The following COMMD10 variants were observed in gnomAD, a reference collection of about 807,000 sequenced individuals.
COMMD10 encodes COMM domain-containing protein 10.
COMMD10 carries 33 observed loss-of-function variants against 28.9 expected under a neutral mutation model. The ratio of observed to expected loss-of-function variants is 1.14; its 90% CI spans 0.87 to 1.53. The LOEUF is 1.53. Among genes scored for constraint, COMMD10 ranks in the 40% most tolerant of loss-of-function variants. The pLI, the probability that COMMD10 is intolerant of heterozygous loss-of-function variation, is 0.00. For missense variants in COMMD10, 310 were observed against 233.4 expected, an observed-to-expected ratio of 1.33 and a Z score of -2.14; for synonymous variants, 110 against 81.7, an observed-to-expected ratio of 1.35 and a Z score of -1.87.
At chr5:116,114,004 G>T (rs190747693) in intron 4 of COMMD10, among the ~76,000 whole-genome samples, 1 of 151,972 alleles carries the variant, frequency 6.6e-6, no homozygotes, top group South Asian at 2.1e-4. Flanking sequence ...TTATTTCTGG[G>T]TGTGCGCATT....
intron 5 of COMMD10, among the ~76,000 whole-genome samples, chr5:116,215,844 GTCT>G (rs1477890063): frequency 4.7e-5 from 7 of 150,104 alleles, no homozygotes; most frequent in South Asian, 2.1e-4. Context: ...TCAATGTGGA[GTCT>G]TCTTTTAAAA....
chr5:116,166,022 T>C (rs1753079311), intron 5 of COMMD10, among the ~76,000 whole-genome samples: 1 of 152,154 alleles, frequency 6.6e-6, no homozygotes, highest in Non-Finnish European at 1.5e-5. Context: ...GCAGACTCAC[T>C]AAGAGTGTCA....
At chr5:116,145,838 G>A (rs1752333172) in intron 5 of COMMD10, among the ~76,000 whole-genome samples, 1 of 151,910 alleles carries the variant, frequency 6.6e-6, no homozygotes, top group African/African-American at 2.4e-5. Flanking sequence ...AGAAGAAGGT[G>A]TCTTGCTTCC....
chr5:116,124,050 T>C (rs1751532587), intron 4 of COMMD10, among the ~76,000 whole-genome samples: 1 of 152,184 alleles, frequency 6.6e-6, no homozygotes. Flanking sequence ...TGAAGGGTTT[T>C]TTTCTGTCTC....
At chr5:116,147,792 T>TA (rs1752395291) in intron 5 of COMMD10, among the ~76,000 whole-genome samples, 1 of 151,880 alleles carries the variant, frequency 6.6e-6, no homozygotes, top group East Asian at 1.9e-4. Flanking sequence ...TGAGGAAAAA[T>TA]AAAAAAATGT....
intron 4 of COMMD10, among the ~76,000 whole-genome samples, chr5:116,126,477 A>T (rs1192775316): frequency 6.6e-6 from 1 of 152,130 alleles, no homozygotes; most frequent in Non-Finnish European, 1.5e-5. Flanking sequence ...GTCAATCCTA[A>T]GCAAAAAGAA....
intron 5 of COMMD10, among the ~76,000 whole-genome samples, chr5:116,225,976 T>C (rs1344961220): frequency 6.6e-6 from 1 of 152,070 alleles, no homozygotes; most frequent in Non-Finnish European, 1.5e-5. Context: ...AATTTTCAGC[T>C]CTTTTTCCAG....
intron 5 of COMMD10, among the ~76,000 whole-genome samples, chr5:116,185,289 C>T (rs1169494045): frequency 6.6e-6 from 1 of 151,936 alleles, no homozygotes. Context: ...TAGGTGTCTT[C>T]TAGATATAAA....
At chr5:116,219,446 A>G (rs1401965145) in intron 5 of COMMD10, among the ~76,000 whole-genome samples, 1 of 152,116 alleles carries the variant, frequency 6.6e-6, no homozygotes, top group Non-Finnish European at 1.5e-5. Context: ...TAGGTAGGCC[A>G]TAAGCACAAT....
At chr5:116,290,878 A>T (rs1292396010) in intron 5 of COMMD10, among the ~76,000 whole-genome samples, 1 of 152,206 alleles carries the variant, frequency 6.6e-6, no homozygotes, top group Non-Finnish European at 1.5e-5. Context: ...ATACTTTACT[A>T]CAGCATCATA....
At chr5:116,161,653 A>G (rs184761456) in intron 5 of COMMD10, among the ~76,000 whole-genome samples, 390 of 152,318 alleles carry the variant, frequency 2.6e-3, no homozygotes, top group Non-Finnish European at 4.4e-3. Context: ...AGAAAATCAT[A>G]AGGAAGAGAA....
intron 5 of COMMD10, among the ~76,000 whole-genome samples, chr5:116,198,893 A>C (rs1290364788): frequency 6.6e-6 from 1 of 152,154 alleles, no homozygotes; most frequent in Non-Finnish European, 1.5e-5. Context: ...CAGTTTTGCT[A>C]AGTATAAATA....
chr5:116,120,173 TA>T (rs1751379863), intron 4 of COMMD10, among the ~76,000 whole-genome samples: 2 of 152,184 alleles, frequency 1.3e-5, no homozygotes, highest in South Asian at 4.1e-4. Flanking sequence ...TACTCAGCCA[TA>T]AAAAGGAATG....
intron 5 of COMMD10, among the ~76,000 whole-genome samples, chr5:116,241,583 CTTATTTATTTATTTATTTAT>C (rs61328599): frequency 2.1e-5 from 3 of 140,448 alleles, no homozygotes; most frequent in African/African-American, 2.6e-5. Flanking sequence ...ACTCTGCTTT[CTTATTTATTTATTTATTTAT>C]TTATTTATTT....
intron 5 of COMMD10, among the ~76,000 whole-genome samples, chr5:116,182,658 T>C (rs1424972743): frequency 2.0e-5 from 3 of 152,054 alleles, no homozygotes; most frequent in Non-Finnish European, 2.9e-5. Context: ...TGTTGACATA[T>C]ACAAATACTA....
intron 5 of COMMD10, among the ~76,000 whole-genome samples, chr5:116,290,574 G>A (rs909832931): frequency 6.6e-6 from 1 of 151,796 alleles, no homozygotes; most frequent in African/African-American, 2.4e-5. Context: ...CATAGAAACT[G>A]CGAACTAGAA....
chr5:116,226,595 T>A (rs534930902), intron 5 of COMMD10, among the ~76,000 whole-genome samples: 2 of 152,012 alleles, frequency 1.3e-5, no homozygotes, highest in South Asian at 4.2e-4. Context: ...GTAGCAATAT[T>A]GGGGGACTTG....
intron 5 of COMMD10, among the ~76,000 whole-genome samples, chr5:116,216,068 C>A (rs935701983): frequency 2.0e-5 from 3 of 152,066 alleles, no homozygotes; most frequent in Non-Finnish European, 2.9e-5. Context: ...GTAAAACAAT[C>A]CAGACCATTA....
At chr5:116,105,925 A>ATT (rs200504129) in intron 4 of COMMD10, among the ~76,000 whole-genome samples, 4 of 151,690 alleles carry the variant, frequency 2.6e-5, no homozygotes, top group Non-Finnish European at 5.9e-5. Flanking sequence ...GGATTCATTG[A>ATT]TTTTTTTGAA....
Sources: allele counts gnomAD v4.1 joint callset (sites outside exome capture counted in the v4.1 genomes callset), GRCh38; gene constraint gnomAD v4.1.1; transcripts MANE v1.5; gene names NCBI Gene and HGNC (gene_info 2026-07-23, HGNC 2026-07-21).